NUCB2: variants seen among roughly 807,000 people sequenced by gnomAD.
NUCB2 encodes nucleobindin 2.
NUCB2 carries 48 observed loss-of-function variants against 57.9 expected under a neutral mutation model. That is an observed-to-expected ratio of 0.83 (90% confidence interval 0.66 to 1.05). The LOEUF is 1.05. NUCB2 is among the 50% of genes least tolerant of loss of function. The pLI is 0.00. For missense variants in NUCB2, 442 were observed against 476.2 expected, an observed-to-expected ratio of 0.93 and a Z score of 0.67; for synonymous variants, 139 against 152.1, an observed-to-expected ratio of 0.91 and a Z score of 0.64.
intron 10 of NUCB2, among the ~76,000 whole-genome samples, chr11:17,312,345 G>T (rs1227403439): frequency 6.6e-6 from 1 of 150,586 alleles, no homozygotes; most frequent in East Asian, 2.0e-4. Context: ...GCAATCCTTT[G>T]GTCTCAGCCT....
downstream of NUCB2, among the ~76,000 whole-genome samples, chr11:17,335,085 C>A (rs985765554): frequency 6.6e-6 from 1 of 151,676 alleles, no homozygotes; most frequent in Non-Finnish European, 1.5e-5. Context: ...CCTACAAAAA[C>A]CACTCAATGT....
chr11:17,277,284 A>T (rs918681008), intron 1 of NUCB2, among the ~76,000 whole-genome samples: 3 of 152,204 alleles, frequency 2.0e-5, no homozygotes, highest in Admixed American at 6.5e-5. Context: ...TCTGACACTT[A>T]GGAGAAAGTT....
intron 4 of NUCB2, among the ~76,000 whole-genome samples, chr11:17,301,340 G>A (rs1252218547): frequency 2.3e-5 from 3 of 133,230 alleles, no homozygotes; most frequent in African/African-American, 8.7e-5. Flanking sequence ...GTGCAGTGGT[G>A]CAATCTTGGC....
chr11:17,325,390 C>T (rs1022824169), intron 11 of NUCB2, among the ~76,000 whole-genome samples: 2 of 152,114 alleles, frequency 1.3e-5, no homozygotes, highest in Non-Finnish European at 2.9e-5. Context: ...TATCTGTTTA[C>T]AGTCATTCTA....
At chr11:17,287,569 A>G (rs1490354171) in intron 2 of NUCB2, among the ~76,000 whole-genome samples, 2 of 149,582 alleles carry the variant, frequency 1.3e-5, no homozygotes, top group Non-Finnish European at 1.5e-5. Flanking sequence ...GCTACTCAGG[A>G]GGCTGAGGCA....
At chr11:17,334,416 C>T (rs1388352602), downstream of NUCB2, 1 of 152,256 alleles carries the variant, frequency 6.6e-6, no homozygotes, top group Non-Finnish European at 1.5e-5. Flanking sequence ...TTTATGCCAG[C>T]AAAAATAGAT....
intron 2 of NUCB2, among the ~76,000 whole-genome samples, chr11:17,337,950 A>G (rs560414049): frequency 1.3e-4 from 20 of 152,242 alleles, no homozygotes; most frequent in African/African-American, 4.8e-4. Flanking sequence ...CTTGATTTTT[A>G]AAAAGACCTA....
At chr11:17,329,945 T>A (rs1404538627) in intron 11 of NUCB2, among the ~76,000 whole-genome samples, 182 bp from the exon 12 acceptor site, 1 of 152,186 alleles carries the variant, frequency 6.6e-6, no homozygotes, top group Non-Finnish European at 1.5e-5. Flanking sequence ...TTTCTTCCTG[T>A]TTTTCCTTTT....
At chr11:17,326,806 G>A (rs1322394610) in intron 11 of NUCB2, among the ~76,000 whole-genome samples, 1 of 152,072 alleles carries the variant, frequency 6.6e-6, no homozygotes, top group Non-Finnish European at 1.5e-5. Context: ...AGTGACTTTT[G>A]TACCTTCAGA....
rs931397824 is a variant in NUCB2, at chr11:17,345,651, G to A, written n.2627-3694G>A. The stretch of plus-strand genomic sequence containing the variant: ...GAGGCCGGGAGGCGGAGGTTGCAGT[G>A]AGCCGATAACGCACCACTGCACTAC... On this transcript the variant is annotated intron_variant and non_coding_transcript_variant, in intron 2 of 2. Transcript: ENST00000532240. Among the ~76,000 whole-genome samples, 33 of 152,174 alleles carry A rather than the reference G, an allele frequency of 2.2e-4. 2 individuals carry two copies.
At chr11:17,279,872 C>T (rs1385500511) in intron 1 of NUCB2, among the ~76,000 whole-genome samples, 2 of 148,822 alleles carry the variant, frequency 1.3e-5, no homozygotes, top group Non-Finnish European at 3.0e-5. Context: ...TCACTGCAGC[C>T]TGGAACTGCC....
At chr11:17,288,963 A>ATATATTTT (rs753006566) in intron 2 of NUCB2, among the ~76,000 whole-genome samples, 2 of 68,100 alleles carry the variant, frequency 2.9e-5, no homozygotes, top group Non-Finnish European at 5.1e-5. Flanking sequence ...ATATATATAT[A>ATATATTTT]TTTTTTTTTT....
downstream of NUCB2, among the ~76,000 whole-genome samples, chr11:17,335,782 G>A (rs1951755542): frequency 6.6e-6 from 1 of 152,088 alleles, no homozygotes; most frequent in South Asian, 2.1e-4. Context: ...TTACAGGCGT[G>A]AGCCACCGCG....
At chr11:17,308,972 G>A (rs1162337557) in intron 5 of NUCB2, among the ~76,000 whole-genome samples, 1 of 152,030 alleles carries the variant, frequency 6.6e-6, no homozygotes, top group East Asian at 1.9e-4. Context: ...ATTAAAAAGG[G>A]TTTGTTATTG....
chr11:17,325,725 C>A (rs1002504667), intron 11 of NUCB2, among the ~76,000 whole-genome samples: 10 of 151,868 alleles, frequency 6.6e-5, no homozygotes, highest in Admixed American at 5.9e-4. Context: ...TGTTATTTTT[C>A]TGGATGTTTT....
At position 17,330,340 on chromosome 11, in the gene NUCB2, G is replaced by A; in HGVS notation, c.1173+43G>A. The A allele has an allele frequency of 6.7e-7, 1 of 1,490,770 alleles. No individual in the cohort carries two copies. The highest frequency in any genetic ancestry group is 9.2e-7 in the Non-Finnish European group (1 of 1,091,806). The allele number at this position is 1,490,770 out of a possible 1,614,324, so 92.3% of individuals were successfully genotyped here. A position where few individuals can be genotyped will look rare whatever the true frequency, so the allele number is the denominator to read the frequency against. On this transcript the variant is annotated intron_variant, in intron 12 of 13. Transcript: ENST00000529010. The surrounding 1 kb of genome is among the most constrained non-coding windows in gnomAD (Gnocchi z 4.3). ...GATTATGGCATTAAAAAGATTTTAGGTGCTTTGTTAAAAGCCTGTGTTTTT... is the reference window on the plus strand; with the variant it reads ...GATTATGGCATTAAAAAGATTTTAGATGCTTTGTTAAAAGCCTGTGTTTTT...
chr11:17,338,855 G>A lies in NUCB2; in HGVS notation n.2626+1321G>A, dbSNP rs545588309. Among the ~76,000 whole-genome samples, 255 of 152,084 alleles carry A rather than the reference G, an allele frequency of 1.7e-3. No individual in the cohort carries two copies. The Middle Eastern group carries it at 0.024, about 14-fold the overall frequency. ...ATTTTTGTGTTTTTAGTAGAGATGG[G>A]GTTTCACCATGGTGGCCAGGCTGGT... On this transcript the variant is annotated intron_variant and non_coding_transcript_variant, in intron 2 of 2. Coordinates refer to the NUCB2 transcript ENST00000532240.
chr11:17,338,986 T>G (rs969386847), intron 2 of NUCB2, among the ~76,000 whole-genome samples: 12 of 149,976 alleles, frequency 8.0e-5, no homozygotes, highest in African/African-American at 3.0e-4. Context: ...TTATTTTATT[T>G]TATTTATTTA....
intron 2 of NUCB2, among the ~76,000 whole-genome samples, chr11:17,340,718 T>A (rs960993091): frequency 3.3e-5 from 5 of 152,354 alleles, no homozygotes; most frequent in Admixed American, 2.6e-4. Flanking sequence ...TATCTGTGTT[T>A]TGGTACCAGT....
Sources: gnomAD v4.1 joint callset for allele counts (sites outside exome capture counted in the v4.1 genomes callset) on GRCh38, gnomAD v4.1.1 for gene constraint, Gnocchi (gnomAD v3.1) non-coding constraint, MANE v1.5 for transcripts, NCBI Gene and HGNC (gene_info 2026-07-23, HGNC 2026-07-21) for gene names.